NLN: variants seen among roughly 807,000 people sequenced by gnomAD.
NLN encodes neurolysin, mitochondrial.
NLN carries 64 observed loss-of-function variants against 79.9 expected under a neutral mutation model. The ratio of observed to expected loss-of-function variants is 0.80; its 90% CI spans 0.65 to 0.99. The LOEUF (loss-of-function observed/expected upper bound fraction) is 0.99, where lower values mean the gene tolerates loss of function less well. Among genes scored for constraint, NLN ranks in the 50% least tolerant of loss-of-function variants. The pLI is 0.00. For missense variants in NLN, 835 were observed against 858.7 expected, an observed-to-expected ratio of 0.97 and a Z score of 0.34; for synonymous variants, 267 against 296.6, an observed-to-expected ratio of 0.90 and a Z score of 1.02.
intron 11 of NLN, among the ~76,000 whole-genome samples, chr5:65,811,893 G>A (rs1760555539): frequency 6.6e-6 from 1 of 152,162 alleles, no homozygotes. Flanking sequence ...GATATAAAGA[G>A]GTGTGGCAAA....
At chr5:65,806,489 G>A (rs560622478) in intron 9 of NLN, among the ~76,000 whole-genome samples, 24 of 152,298 alleles carry the variant, frequency 1.6e-4, no homozygotes, top group Non-Finnish European at 2.8e-4. Flanking sequence ...CTCAGTGGAG[G>A]AAGGAGCTGC....
In NLN at chr5:65,827,217, C is replaced by T. The variant is rs1760936988; in HGVS notation, c.*4302C>T. 6.6e-6 allele frequency: 1 copy of T among 152,030 alleles called. No homozygotes were observed. The highest frequency in any genetic ancestry group is 2.4e-5 in the African/African-American group (1 of 41,400). 9.4% of individuals were successfully genotyped at this position (152,030 alleles called of 1,614,324 possible). A position where few individuals can be genotyped will look rare whatever the true frequency, so the allele number is the denominator to read the frequency against. ...CACACCCCCACACCACACCGTGATT[C>T]CTGAGTTTTGATTTGGTTGAATTCA... On this transcript the variant is annotated 3_prime_UTR_variant, in exon 13 of 13. Coordinates refer to ENST00000380985, the MANE Select transcript of NLN (RefSeq NM_020726.5).
At chr5:65,777,798 G>A (rs1759713142) in intron 4 of NLN, among the ~76,000 whole-genome samples, 1 of 152,042 alleles carries the variant, frequency 6.6e-6, no homozygotes, top group South Asian at 2.1e-4. Flanking sequence ...TTCGGATAAG[G>A]GATACCCAAT....
chr5:65,799,227 A>G (rs1353241120), intron 9 of NLN, among the ~76,000 whole-genome samples: 1 of 152,212 alleles, frequency 6.6e-6, no homozygotes, highest in Non-Finnish European at 1.5e-5. Context: ...TGTGTCTGAC[A>G]TGTCATATTA....
At chr5:65,790,949 G>A (rs112643746) in intron 8 of NLN, among the ~76,000 whole-genome samples, 2,934 of 152,288 alleles carry the variant, frequency 0.019, 39 homozygotes, top group Middle Eastern at 0.054. Flanking sequence ...TTTGTACTGA[G>A]AGATCTGGTC....
chr5:65,746,248 A>G (rs182932371), intron 1 of NLN, among the ~76,000 whole-genome samples: 7 of 152,346 alleles, frequency 4.6e-5, no homozygotes, highest in Admixed American at 3.3e-4. Context: ...AAGACAACTG[A>G]TGATAAAAAT....
rs3081187 is a variant in NLN at position 65,771,963 on chromosome 5, CA to C, written c.451-5450del. 4.6e-3 allele frequency among the ~76,000 whole-genome samples: 627 copies of C among 137,734 alleles called. 3 individuals carry two copies. Among genetic ancestry groups the C allele is most frequent in the Middle Eastern group, 0.011 (3 of 272 alleles). 90.4% of individuals were successfully genotyped at this position (137,734 alleles called of 152,430 possible). ...AAGAACCACTACCTTAAAACAATGA[CA>C]AAAAAAAAAAAAAGATATCCCAAAT... On this transcript the variant is annotated intron_variant, in intron 3 of 12. Coordinates refer to ENST00000380985, the MANE Select transcript of NLN (RefSeq NM_020726.5).
intron 12 of NLN, among the ~76,000 whole-genome samples, chr5:65,816,672 T>TAAA (rs1420144925): frequency 7.9e-5 from 12 of 152,178 alleles, no homozygotes; most frequent in African/African-American, 2.9e-4. Flanking sequence ...CCAAACTCGG[T>TAAA]GCATTTGCTT....
rs1348058962 is a variant in NLN at position 65,824,814 on chromosome 5, T to C, written c.*1899T>C. On this transcript the variant is annotated 3_prime_UTR_variant, in exon 13 of 13. Transcript: ENST00000380985. ...AATCTACCAAAGAGCAGTCACAAAATTAAAACTCAGCCCGGGCGCAGTGGC... is the reference window on the plus strand; with the variant it reads ...AATCTACCAAAGAGCAGTCACAAAACTAAAACTCAGCCCGGGCGCAGTGGC... 6.6e-6 allele frequency: 1 copy of C among 152,188 alleles called. No homozygotes were observed. Among genetic ancestry groups the C allele is most frequent in the Non-Finnish European group, 1.5e-5 (1 of 68,054 alleles). 9.4% of individuals were successfully genotyped at this position (152,188 alleles called of 1,614,324 possible).
chr5:65,756,168 A>G (rs762029586), intron 1 of NLN, among the ~76,000 whole-genome samples: 1 of 152,132 alleles, frequency 6.6e-6, no homozygotes, highest in South Asian at 2.1e-4. Flanking sequence ...CTCAGTGATC[A>G]TATTAGAGTT....
intron 1 of NLN, among the ~76,000 whole-genome samples, chr5:65,744,536 A>G (rs1758933748): frequency 6.6e-6 from 1 of 151,296 alleles, no homozygotes; most frequent in African/African-American, 2.4e-5. Context: ...GATGATAGTA[A>G]CAAGTCAATA....
intron 1 of NLN, among the ~76,000 whole-genome samples, chr5:65,754,652 C>A (rs143176826): frequency 1.3e-5 from 2 of 152,230 alleles, no homozygotes; most frequent in African/African-American, 4.8e-5. Flanking sequence ...TGAACCCTGA[C>A]AAAAATGTTT....
rs993769971 is a variant in NLN, at chr5:65,826,729, A to T, written c.*3814A>T. ...AGACCAGCCTGAGCAACACAGTGAG[A>T]CCCTGTCTCTACAAAAACTAAAAAA... is the stretch of plus-strand genomic sequence containing the variant. On this transcript the variant is annotated 3_prime_UTR_variant, in exon 13 of 13. Coordinates refer to ENST00000380985, the MANE Select transcript of NLN (RefSeq NM_020726.5). 6.6e-6 allele frequency: 1 copy of T among 152,154 alleles called. No individual in the cohort carries two copies. The highest frequency in any genetic ancestry group is 2.4e-5 in the African/African-American group (1 of 41,414). 9.4% of individuals were successfully genotyped at this position (152,154 alleles called of 1,614,324 possible). A position where few individuals can be genotyped will look rare whatever the true frequency, so the allele number is the denominator to read the frequency against.
At chr5:65,723,056 C>T (rs1338980047) in intron 1 of NLN, 1 of 152,284 alleles carries the variant, frequency 6.6e-6, no homozygotes, top group Non-Finnish European at 1.5e-5. Context: ...TAACCACACC[C>T]CACTGCAACA....
At chr5:65,812,864 C>T (rs537342067) in intron 12 of NLN, among the ~76,000 whole-genome samples, 19 of 152,228 alleles carry the variant, frequency 1.2e-4, no homozygotes, top group East Asian at 1.9e-4. Flanking sequence ...TAGTTTGTGA[C>T]CTTTGTCACA....
chr5:65,809,859 C>T (rs907379459), intron 10 of NLN, among the ~76,000 whole-genome samples, 158 bp downstream of exon 10: 8 of 152,158 alleles, frequency 5.3e-5, no homozygotes, highest in African/African-American at 1.2e-4. Context: ...TAGGAAACCC[C>T]GGAATTTTGT....
chr5:65,723,516 A>G (rs578151155), intron 1 of NLN, among the ~76,000 whole-genome samples: 1 of 152,244 alleles, frequency 6.6e-6, no homozygotes, highest in Admixed American at 6.5e-5. Context: ...ATAAATCTTC[A>G]TATAAGAGCA....
chr5:65,778,878 G>A (rs1759735552), intron 4 of NLN, among the ~76,000 whole-genome samples: 1 of 152,180 alleles, frequency 6.6e-6, no homozygotes, highest in South Asian at 2.1e-4. Context: ...ATGGCCCAGA[G>A]TGGATCCTGT....
Position 65,785,762 on chromosome 5 carries a change from T to A in NLN, c.823-13T>A, listed in dbSNP as rs1362600921. The A allele has an allele frequency of 1.2e-6, 2 of 1,611,882 alleles. No individual in the cohort carries two copies. The highest frequency in any genetic ancestry group is 1.7e-6 in the Non-Finnish European group (2 of 1,178,184). On this transcript the variant is annotated splice_polypyrimidine_tract_variant and intron_variant, in intron 6 of 12. Transcript: ENST00000380985. ...TGATTAGCCTTTATTTTGTTGCTGT[T>A]GTTTATTACTAGGAAAACACCATAA...
Sources: allele counts gnomAD v4.1 joint callset (sites outside exome capture counted in the v4.1 genomes callset), GRCh38; gene constraint gnomAD v4.1.1; transcripts MANE v1.5; gene names NCBI Gene and HGNC (gene_info 2026-07-23, HGNC 2026-07-21).